The following NUP205 variants were observed in gnomAD, a reference collection of about 807,000 sequenced individuals.
NUP205 encodes the protein nucleoporin 205, also known as nuclear pore complex protein Nup205.
A neutral mutation model predicts 253.8 loss-of-function variants in NUP205; 76 were observed. The observed-to-expected ratio is 0.30, with a 90% CI of 0.25 to 0.36. The LOEUF (loss-of-function observed/expected upper bound fraction) is 0.36. NUP205 is among the 10% of genes least tolerant of loss of function. The pLI, the probability that NUP205 is intolerant of heterozygous loss-of-function variation, is 1.00. For synonymous variants in NUP205, 832 were observed against 850.1 expected, an observed-to-expected ratio of 0.98 and a Z score of 0.37; for missense variants, 2,162 against 2,425.5, an observed-to-expected ratio of 0.89 and a Z score of 2.28.
At chr7:135,564,005 G>A (rs913084522) in intron 1 of NUP205, among the ~76,000 whole-genome samples, 4 of 151,828 alleles carry the variant, frequency 2.6e-5, no homozygotes, top group Non-Finnish European at 5.9e-5. Flanking sequence ...ACAAAAAAAA[G>A]GTGTTTACTG....
Position 135,622,764 on chromosome 7 carries a change from T to C in NUP205, c.4331-13T>C, listed in dbSNP as rs200452348. 3.1e-6 allele frequency: 5 copies of C among 1,613,030 alleles called. No homozygotes were observed. The highest frequency in any genetic ancestry group is 4.2e-6 in the Non-Finnish European group (5 of 1,179,628). On this transcript the variant is annotated splice_polypyrimidine_tract_variant and intron_variant, in intron 30 of 42. Coordinates refer to ENST00000285968, the MANE Select transcript of NUP205 (RefSeq NM_015135.3). ...TTTTACTGGAGTGTTTTTTTCTGTT[T>C]TAATCCTTTTAGCCAAGAAAACCAT...
chr7:135,577,237 T>C (rs1806176683), intron 5 of NUP205, 109 bp downstream of exon 5: 3 of 1,046,526 alleles, frequency 2.9e-6, no homozygotes, highest in South Asian at 1.6e-5. Flanking sequence ...GCTGATACCA[T>C]GCCTGATTGC....
At chr7:135,644,491 T>A (rs975145099) in intron 39 of NUP205, among the ~76,000 whole-genome samples, 1 of 152,198 alleles carries the variant, frequency 6.6e-6, no homozygotes, top group Admixed American at 6.5e-5. Context: ...ATGATCAGAT[T>A]TTAGTTATGC....
intron 1 of NUP205, among the ~76,000 whole-genome samples, chr7:135,561,308 C>T (rs2129489410): frequency 6.6e-6 from 1 of 152,326 alleles, no homozygotes; most frequent in South Asian, 2.1e-4. Flanking sequence ...CATACCACTG[C>T]ACTCCAGCCT....
At chr7:135,638,520 G>A (rs1454862762) in intron 37 of NUP205, 37 bp from the exon 38 acceptor site, 1 of 1,598,126 alleles carries the variant, frequency 6.3e-7, no homozygotes, top group Admixed American at 1.7e-5. Context: ...AGACATTTCA[G>A]GGTCTTAACA....
rs927976331 is a variant in NUP205, at chr7:135,576,328, G to A, written c.402G>A (p.Leu134=). The A allele has an allele frequency of 6.2e-7, 1 of 1,613,850 alleles. No individual in the cohort carries two copies. Among genetic ancestry groups the A allele is most frequent in the Non-Finnish European group, 8.5e-7 (1 of 1,179,824 alleles). The change falls in exon 4 of 43, where the codon CTG becomes CTA. Residue 134 remains leucine, a synonymous_variant. Transcript: ENST00000285968. ...CCAGAGGATTAGTAGCTGTTCTTCTGTACTGGGATGGAAAGCGATGCATTG... is the reference window on the plus strand; with the variant it reads ...CCAGAGGATTAGTAGCTGTTCTTCTATACTGGGATGGAAAGCGATGCATTG... ...GLTRGLVAVL[L]YWDGKRCIAN...
intron 1 of NUP205, among the ~76,000 whole-genome samples, chr7:135,564,165 A>G (rs899810476): frequency 6.7e-6 from 1 of 150,322 alleles, no homozygotes; most frequent in African/African-American, 2.5e-5. Flanking sequence ...TACAGCCTCT[A>G]CCCTCTGAGA....
intron 40 of NUP205, 131 bp from the exon 41 acceptor site, chr7:135,645,337 C>A: frequency 1.0e-6 from 1 of 967,178 alleles, no homozygotes. Flanking sequence ...CAGTGAGACC[C>A]TGTCTGTTAG....
At chr7:135,635,991 T>G (rs1794803790) in intron 36 of NUP205, among the ~76,000 whole-genome samples, 1 of 152,200 alleles carries the variant, frequency 6.6e-6, no homozygotes, top group Non-Finnish European at 1.5e-5. Flanking sequence ...AGTGTTACAT[T>G]ATTATGACTG....
intron 42 of NUP205, among the ~76,000 whole-genome samples, chr7:135,647,992 AG>A (rs1280289771): frequency 6.6e-6 from 1 of 152,072 alleles, no homozygotes; most frequent in Admixed American, 6.6e-5. Flanking sequence ...AAAAAGTAAA[AG>A]CTTCTTTCCC....
intron 30 of NUP205, among the ~76,000 whole-genome samples, chr7:135,621,299 G>T (rs1563132546): frequency 6.6e-6 from 1 of 152,224 alleles, no homozygotes; most frequent in East Asian, 1.9e-4. Flanking sequence ...GTTTAGAGAA[G>T]TTTTTTAAGC....
intron 38 of NUP205, among the ~76,000 whole-genome samples, chr7:135,639,438 C>T (rs1794877366): frequency 6.6e-6 from 1 of 152,054 alleles, no homozygotes; most frequent in African/African-American, 2.4e-5. Context: ...GCCTGTAATC[C>T]TAGCACTTTG....
intron 38 of NUP205, among the ~76,000 whole-genome samples, chr7:135,641,708 G>A (rs1794918253): frequency 6.6e-6 from 1 of 151,646 alleles, no homozygotes; most frequent in Admixed American, 6.6e-5. Context: ...GGAGGTTGAG[G>A]TGGATCACCT....
At chr7:135,639,273 A>C (rs964731940) in intron 38 of NUP205, among the ~76,000 whole-genome samples, 7 of 152,168 alleles carry the variant, frequency 4.6e-5, no homozygotes, top group Non-Finnish European at 8.8e-5. Context: ...TCTTTGTTTG[A>C]GATCTGTGAG....
At position 135,593,113 on chromosome 7, in the gene NUP205, T is replaced by G; in HGVS notation, c.1751T>G (p.Leu584Arg). 2 of 1,614,162 alleles carry G rather than the reference T, an allele frequency of 1.2e-6. No homozygotes were observed. Among genetic ancestry groups the G allele is most frequent in the South Asian group, 1.1e-5 (1 of 91,084 alleles). The change falls in exon 12 of 43, where the codon CTT becomes CGT. Residue 584 changes from leucine (L) to arginine (R), a missense_variant. Around this residue, in one of 5 missense-constraint regions of NUP205, gnomAD observed 892 missense variants for 957.1 expected, o/e 0.93. Coordinates refer to ENST00000285968, the MANE Select transcript of NUP205 (RefSeq NM_015135.3). ...GCAGATAGTGTCCAGTACCGTCACC[T>G]TCCTTCCCGTGGCATCACCCAGAAG... ...PSADSVQYRH[L>R]PSRGITQKEQ...
chr7:135,570,645 G>A (rs557436732), intron 1 of NUP205, among the ~76,000 whole-genome samples: 2 of 125,716 alleles, frequency 1.6e-5, no homozygotes, highest in African/African-American at 6.1e-5. Flanking sequence ...TATATAATTA[G>A]CAATCATTTA....
At chr7:135,602,733 T>C in intron 17 of NUP205, 72 bp from the exon 18 acceptor site, 1 of 1,233,772 alleles carries the variant, frequency 8.1e-7, no homozygotes, top group Middle Eastern at 1.9e-4. Context: ...TCATTTGTCT[T>C]GTTTTCCTAA....
chr7:135,630,460 A>G lies in NUP205; in HGVS notation c.5049A>G (p.Ala1683=). 1 of 1,605,338 alleles carries G rather than the reference A, an allele frequency of 6.2e-7. No homozygotes were observed. Among genetic ancestry groups the G allele is most frequent in the Non-Finnish European group, 8.5e-7 (1 of 1,175,594 alleles). ...LALLTGIISK[A]ALPGILSELD... is the part of the protein sequence containing the mutation. ...TGCTGACAGGAATTATAAGTAAAGC[A>G]GCACTTCCTGGTGAGTTGATTATGT... Residue 1683 remains alanine (A), a synonymous_variant, in exon 35 of 43, where the codon GCA becomes GCG. Transcript: ENST00000285968.
intron 1 of NUP205, among the ~76,000 whole-genome samples, 164 bp from the exon 2 acceptor site, chr7:135,570,941 C>G (rs1355892531): frequency 9.2e-6 from 1 of 109,190 alleles, no homozygotes; most frequent in Non-Finnish European, 1.9e-5. Flanking sequence ...ATGTAACATA[C>G]TAATTATAAT....
Sources: allele counts gnomAD v4.1 joint callset (sites outside exome capture counted in the v4.1 genomes callset), GRCh38; gene constraint gnomAD v4.1.1; regional missense constraint gnomAD v4.1.1; transcripts MANE v1.5; gene names NCBI Gene and HGNC (gene_info 2026-07-23, HGNC 2026-07-21).